Variants in RIPK2 observed in about 807,000 individuals in gnomAD.
The protein encoded by RIPK2 is receptor interacting serine/threonine kinase 2, also known as receptor-interacting serine/threonine-protein kinase 2.
RIPK2 carries 38 observed loss-of-function variants against 60.9 expected under a neutral mutation model. The ratio of observed to expected loss-of-function variants is 0.62; its 90% confidence interval spans 0.48 to 0.82. The LOEUF (loss-of-function observed/expected upper bound fraction) is 0.82, where lower values mean the gene tolerates loss of function less well. Among genes scored for constraint, RIPK2 ranks in the 40% least tolerant of loss-of-function variants. RIPK2 has a pLI of 0.00. For synonymous variants in RIPK2, 225 were observed against 223.4 expected (o/e 1.01, Z -0.06); for missense variants, 518 against 647.0 (o/e 0.80, Z 2.16).
At chr8:89,769,701 AC>A in intron 3 of RIPK2, 70 bp from the exon 4 acceptor site, 1 of 1,051,910 alleles carries the variant, frequency 9.5e-7, no homozygotes, top group East Asian at 2.6e-5. Flanking sequence ...CAGTGAATAT[AC>A]AAAAAGATAG....
intron 8 of RIPK2, among the ~76,000 whole-genome samples, chr8:89,786,174 A>G (rs1488496795): frequency 6.6e-6 from 1 of 152,128 alleles, no homozygotes; most frequent in African/African-American, 2.4e-5. Context: ...GTAAAGTATA[A>G]TTTTTAGTAG....
chr8:89,769,257 A>G (rs182341984), intron 3 of RIPK2, among the ~76,000 whole-genome samples: 88 of 152,012 alleles, frequency 5.8e-4, no homozygotes, highest in African/African-American at 2.0e-3. Flanking sequence ...AAAATTGTAT[A>G]ATAATTACCT....
intron 1 of RIPK2, among the ~76,000 whole-genome samples, chr8:89,761,952 C>G (rs1459398841): frequency 6.6e-6 from 1 of 151,928 alleles, no homozygotes; most frequent in African/African-American, 2.4e-5. Context: ...TCATTTGATA[C>G]CTACCTATTG....
intron 7 of RIPK2, among the ~76,000 whole-genome samples, chr8:89,782,605 G>C (rs1255318452): frequency 6.7e-6 from 1 of 150,054 alleles, no homozygotes; most frequent in East Asian, 2.0e-4. Context: ...AGGAGTTCCA[G>C]TCCAACCTGG....
chr8:89,770,876 A>G (rs1586123059), intron 4 of RIPK2, among the ~76,000 whole-genome samples: 1 of 151,892 alleles, frequency 6.6e-6, no homozygotes, highest in African/African-American at 2.4e-5. Flanking sequence ...CATTGTATGA[A>G]TATAAGAAAC....
At chr8:89,777,584 T>TGC (rs1482466508) in intron 6 of RIPK2, among the ~76,000 whole-genome samples, 1 of 151,832 alleles carries the variant, frequency 6.6e-6, no homozygotes, top group Non-Finnish European at 1.5e-5. Flanking sequence ...AGTGTGAGTG[T>TGC]GTGTGTGTGT....
intron 2 of RIPK2, among the ~76,000 whole-genome samples, chr8:89,764,427 C>A (rs1586118236): frequency 1.3e-5 from 2 of 152,250 alleles, no homozygotes; most frequent in African/African-American, 4.8e-5. Context: ...TAAGCTGACG[C>A]ATTTGCAGAA....
intron 2 of RIPK2, among the ~76,000 whole-genome samples, chr8:89,764,431 T>C (rs956574983): frequency 2.0e-5 from 3 of 152,188 alleles, no homozygotes; most frequent in Admixed American, 6.5e-5. Flanking sequence ...CTGACGCATT[T>C]GCAGAAAAAC....
At chr8:89,760,888 A>G (rs1032710709) in intron 1 of RIPK2, among the ~76,000 whole-genome samples, 1 of 152,224 alleles carries the variant, frequency 6.6e-6, no homozygotes, top group African/African-American at 2.4e-5. Context: ...CTTAGTATCC[A>G]GGAATCTTCA....
intron 2 of RIPK2, among the ~76,000 whole-genome samples, chr8:89,764,954 A>G (rs1394391021): frequency 1.3e-5 from 2 of 152,056 alleles, no homozygotes; most frequent in Non-Finnish European, 2.9e-5. Flanking sequence ...TTTTGTGTGT[A>G]TTTGTGTGTA....
chr8:89,762,469 G>A (rs995422221), intron 1 of RIPK2, among the ~76,000 whole-genome samples: 12 of 152,268 alleles, frequency 7.9e-5, no homozygotes, highest in African/African-American at 2.4e-4. Flanking sequence ...TGAATACAAT[G>A]TAAACTTAAT....
At chr8:89,781,013 A>G (rs1273370355) in intron 7 of RIPK2, among the ~76,000 whole-genome samples, 12 of 151,400 alleles carry the variant, frequency 7.9e-5, no homozygotes, top group African/African-American at 1.9e-4. Context: ...CAAGTGCTAA[A>G]CTATGCTTAC....
chr8:89,765,714 T>C (rs2130549032), intron 3 of RIPK2, among the ~76,000 whole-genome samples: 1 of 151,876 alleles, frequency 6.6e-6, no homozygotes, highest in Admixed American at 6.6e-5. Flanking sequence ...TGGTACAAAA[T>C]ACAAAGCCAT....
chr8:89,772,926 T>A, intron 6 of RIPK2, 98 bp downstream of exon 6: 1 of 694,818 alleles, frequency 1.4e-6, no homozygotes, highest in Non-Finnish European at 2.2e-6. Context: ...ATTAGATGAC[T>A]AGCTAGAAGT....
rs565029152 is a variant in RIPK2 at position 89,775,600 on chromosome 8, G to T, written c.853+2772G>T. 2.6e-5 allele frequency among the ~76,000 whole-genome samples: 4 copies of T among 152,336 alleles called. No homozygotes were observed. In the South Asian group the frequency reaches 8.3e-4, roughly 32 times the overall value. ...GTATCAGAAACAGAATGCTGGAGAG[G>T]TGGAGGAAATGGTATTCAGAATGCA... On this transcript the variant is annotated intron_variant, in intron 6 of 10. Coordinates refer to ENST00000220751, the MANE Select transcript of RIPK2 (RefSeq NM_003821.6).
chr8:89,790,570 TTTAA>T lies in RIPK2; in HGVS notation c.*160_*163del. 1 of 540,866 alleles carries T rather than the reference TTTAA, an allele frequency of 1.8e-6. No individual in the cohort carries two copies. The highest frequency in any genetic ancestry group is 3.1e-6 in the Non-Finnish European group (1 of 317,544). The allele number at this position is 540,866 out of a possible 1,614,324, so 33.5% of individuals were successfully genotyped here. On this transcript the variant is annotated 3_prime_UTR_variant, in exon 11 of 11. Transcript: ENST00000220751. Reference sequence around the variant, plus strand: ...CCCTCCATGACACTGCAGTATTTTTTTTAATTAATACAAGTAAAAAGTTTGAATT... The same window carrying T: ...CCCTCCATGACACTGCAGTATTTTTTTTAATACAAGTAAAAAGTTTGAATT...
At chr8:89,766,235 AG>A (rs1461856787) in intron 3 of RIPK2, among the ~76,000 whole-genome samples, 1 of 151,876 alleles carries the variant, frequency 6.6e-6, no homozygotes, top group Admixed American at 6.6e-5. Context: ...TTAACCATTC[AG>A]GAACATTTTG....
chr8:89,766,806 C>T (rs905829668), intron 3 of RIPK2, among the ~76,000 whole-genome samples: 7 of 151,274 alleles, frequency 4.6e-5, no homozygotes, highest in African/African-American at 1.7e-4. Flanking sequence ...ACGTGGTTTT[C>T]AGTGAAATGT....
chr8:89,784,992 C>A (rs1008042163), intron 8 of RIPK2, among the ~76,000 whole-genome samples: 15 of 152,196 alleles, frequency 9.9e-5, no homozygotes, highest in African/African-American at 3.1e-4. Flanking sequence ...GGAATCCACT[C>A]ACCACTTCTA....
Sources: gnomAD v4.1 joint callset for allele counts (sites outside exome capture counted in the v4.1 genomes callset) on GRCh38, gnomAD v4.1.1 for gene constraint, MANE v1.5 for transcripts, NCBI Gene and HGNC (gene_info 2026-07-23, HGNC 2026-07-21) for gene names.